ADAMTS3: variants seen among roughly 807,000 people sequenced by gnomAD.
ADAMTS3 encodes A disintegrin and metalloproteinase with thrombospondin motifs 3.
A neutral mutation model predicts 129.0 loss-of-function variants in ADAMTS3; 73 were observed. The observed-to-expected ratio is 0.57, with a 90% CI of 0.47 to 0.69. The LOEUF is 0.69. Ranked by LOEUF, ADAMTS3 falls within the 30% of genes least tolerant of loss-of-function variation. The probability of loss-of-function intolerance (pLI) is 0.00; values close to 1 mark genes in which losing one functional copy is unlikely to be tolerated. For missense variants in ADAMTS3, 1,457 were observed against 1,514.5 expected, an observed-to-expected ratio of 0.96 and a Z score of 0.63; for synonymous variants, 477 against 510.8, an observed-to-expected ratio of 0.93 and a Z score of 0.89.
At chr4:72,530,274 T>G (rs1720970322) in intron 3 of ADAMTS3, among the ~76,000 whole-genome samples, 1 of 82,574 alleles carries the variant, frequency 1.2e-5, no homozygotes, top group South Asian at 4.0e-4. Flanking sequence ...ATATAATATA[T>G]AATATATAAT....
chr4:72,318,671 A>G lies in ADAMTS3; in HGVS notation c.1386T>C (p.Asp462=), dbSNP rs763847438. 1.1e-5 allele frequency: 17 copies of G among 1,613,758 alleles called. No individual in the cohort carries two copies. Among genetic ancestry groups the G allele is most frequent in the African/African-American group, 2.7e-5 (2 of 74,916 alleles). ...GTTCTGGGAGTTTAGGCCAATCATG[A>G]TCAAAAGGGTCATCAAGGAGACAGT... The part of the protein sequence containing the change: ...SYDCLLDDPF[D]HDWPKLPELP... The change falls in exon 10 of 22, where the codon GAT becomes GAC. Residue 462 remains aspartate (D), a synonymous_variant. Transcript: ENST00000286657.
intron 17 of ADAMTS3, among the ~76,000 whole-genome samples, chr4:72,301,825 T>C (rs1163633587): frequency 6.6e-6 from 1 of 151,958 alleles, no homozygotes; most frequent in Non-Finnish European, 1.5e-5. Context: ...TGGAGCTAGA[T>C]TAGAGTTTGG....
chr4:72,470,776 T>C (rs1156344822), intron 3 of ADAMTS3, among the ~76,000 whole-genome samples: 1 of 152,148 alleles, frequency 6.6e-6, no homozygotes, highest in African/African-American at 2.4e-5. Flanking sequence ...GGAGTCATCA[T>C]ATTCTTCACT....
intron 3 of ADAMTS3, among the ~76,000 whole-genome samples, chr4:72,519,485 T>C (rs1436047166): frequency 6.6e-6 from 1 of 152,200 alleles, no homozygotes; most frequent in Non-Finnish European, 1.5e-5. Context: ...AAATCAGACA[T>C]AGATTTGGTC....
intron 4 of ADAMTS3, among the ~76,000 whole-genome samples, chr4:72,407,352 A>C (rs979416614): frequency 1.3e-5 from 2 of 152,192 alleles, no homozygotes; most frequent in Non-Finnish European, 2.9e-5. Context: ...ATCATAGAAC[A>C]GGACATAAAG....
chr4:72,374,989 T>C (rs1721102099), intron 4 of ADAMTS3, among the ~76,000 whole-genome samples: 1 of 152,202 alleles, frequency 6.6e-6, no homozygotes, highest in South Asian at 2.1e-4. Flanking sequence ...CCTTCCTATC[T>C]CACAGGTTAT....
chr4:72,368,936 T>C (rs1185152272), intron 4 of ADAMTS3, among the ~76,000 whole-genome samples: 1 of 152,204 alleles, frequency 6.6e-6, no homozygotes. Context: ...ATAGCACTTG[T>C]CTGACTGTAA....
intron 2 of ADAMTS3, among the ~76,000 whole-genome samples, chr4:72,564,416 A>C (rs779674258): frequency 6.6e-6 from 1 of 152,188 alleles, no homozygotes; most frequent in Non-Finnish European, 1.5e-5. Flanking sequence ...CAATACTCTG[A>C]GTCAGAAATG....
intron 2 of ADAMTS3, among the ~76,000 whole-genome samples, chr4:72,551,019 G>A (rs377008187): frequency 1.4e-4 from 21 of 152,146 alleles, no homozygotes; most frequent in African/African-American, 2.4e-4. Context: ...GAGAACACTC[G>A]CCTTGTCTAA....
At chr4:72,365,992 T>C (rs1238648569) in intron 4 of ADAMTS3, among the ~76,000 whole-genome samples, 2 of 152,228 alleles carry the variant, frequency 1.3e-5, no homozygotes, top group African/African-American at 2.4e-5. Context: ...GCTCCCAGCA[T>C]TGGACACTGG....
intron 17 of ADAMTS3, 132 bp downstream of exon 17, chr4:72,303,785 G>C (rs1276875385): frequency 2.3e-6 from 2 of 859,460 alleles, no homozygotes; most frequent in Non-Finnish European, 3.6e-6. Context: ...AAGATAAATG[G>C]AATTATTTTA....
At chr4:72,343,188 C>G (rs1304648903) in intron 4 of ADAMTS3, among the ~76,000 whole-genome samples, 2 of 152,152 alleles carry the variant, frequency 1.3e-5, no homozygotes, top group Non-Finnish European at 2.9e-5. Context: ...TTCAAATGGG[C>G]TTTCCACCTG....
At chr4:72,297,009 A>AT (rs1718827437) in intron 18 of ADAMTS3, among the ~76,000 whole-genome samples, 1 of 152,134 alleles carries the variant, frequency 6.6e-6, no homozygotes, top group Non-Finnish European at 1.5e-5. Flanking sequence ...CAAGGGATTC[A>AT]TTTTTAGAAA....
chr4:72,429,865 A>G (rs1722655689), intron 3 of ADAMTS3, among the ~76,000 whole-genome samples: 1 of 151,990 alleles, frequency 6.6e-6, no homozygotes, highest in Non-Finnish European at 1.5e-5. Context: ...CATGGTCAAC[A>G]TCTCCTGGAC....
chr4:72,489,573 T>C lies in ADAMTS3; in HGVS notation c.504+58905A>G, dbSNP rs111854622. 8.5e-3 allele frequency among the ~76,000 whole-genome samples: 1,293 copies of C among 152,058 alleles called. 24 individuals carry two copies. Among genetic ancestry groups the C allele is most frequent in the African/African-American group, 0.03 (1,251 of 41,514 alleles). On this transcript the variant is annotated intron_variant, in intron 3 of 21. Transcript: ENST00000286657. ...ATAATCCAGGATCACCTGAAGCAGATGTTCTTCCTTCTGAGGTATAGTCAG... is the reference window on the plus strand; with the variant it reads ...ATAATCCAGGATCACCTGAAGCAGACGTTCTTCCTTCTGAGGTATAGTCAG...
intron 3 of ADAMTS3, among the ~76,000 whole-genome samples, chr4:72,428,488 A>G (rs535854985): frequency 6.6e-5 from 10 of 152,210 alleles, no homozygotes; most frequent in Admixed American, 3.3e-4. Context: ...AGTAGGATCA[A>G]AGACTGTAAA....
intron 3 of ADAMTS3, among the ~76,000 whole-genome samples, chr4:72,517,516 C>T (rs1720523140): frequency 1.3e-5 from 2 of 152,092 alleles, no homozygotes; most frequent in Non-Finnish European, 2.9e-5. Flanking sequence ...ATTTCAGAGC[C>T]TGTTATTGGT....
chr4:72,402,269 A>G (rs1202148286), intron 4 of ADAMTS3, among the ~76,000 whole-genome samples: 2 of 152,198 alleles, frequency 1.3e-5, no homozygotes, highest in African/African-American at 4.8e-5. Flanking sequence ...AAAGTCACAC[A>G]ACATATATTT....
At chr4:72,368,597 G>A (rs1292366029) in intron 4 of ADAMTS3, among the ~76,000 whole-genome samples, 1 of 152,108 alleles carries the variant, frequency 6.6e-6, no homozygotes, top group Non-Finnish European at 1.5e-5. Context: ...AATAAACTGA[G>A]AAAACAAAAT....
Sources: gnomAD v4.1 joint callset for allele counts (sites outside exome capture counted in the v4.1 genomes callset) on GRCh38, gnomAD v4.1.1 for gene constraint, MANE v1.5 for transcripts, NCBI Gene and HGNC (gene_info 2026-07-23, HGNC 2026-07-21) for gene names.